The following EFNA5 variants were observed in gnomAD, a reference collection of about 807,000 sequenced individuals.
EFNA5 encodes the protein ephrin A5.
Under a neutral mutation model 22.9 loss-of-function variants are expected in EFNA5, and 5 were observed. The ratio of observed to expected loss-of-function variants is 0.22; its 90% CI spans 0.11 to 0.46. The LOEUF (loss-of-function observed/expected upper bound fraction) is 0.46. Among genes scored for constraint, EFNA5 ranks in the 20% least tolerant of loss-of-function variants. The pLI is 0.99. For synonymous variants in EFNA5, 113 were observed against 112.2 expected (o/e 1.01, Z -0.04); for missense variants, 237 against 293.3 (o/e 0.81, Z 1.40).
chr5:107,645,943 G>C (rs1041243326), intron 1 of EFNA5, among the ~76,000 whole-genome samples: 1 of 152,166 alleles, frequency 6.6e-6, no homozygotes, highest in African/African-American at 2.4e-5. Context: ...AAATACCTAA[G>C]AGGCTGAGAC....
intron 1 of EFNA5, among the ~76,000 whole-genome samples, chr5:107,484,769 G>A (rs1746547748): frequency 6.6e-6 from 1 of 151,810 alleles, no homozygotes. Context: ...GGAAGATGAG[G>A]AGCTGTTAAC....
At chr5:107,625,573 G>C (rs181011643) in intron 1 of EFNA5, among the ~76,000 whole-genome samples, 1 of 152,212 alleles carries the variant, frequency 6.6e-6, no homozygotes, top group African/African-American at 2.4e-5. Flanking sequence ...AGAATTACCA[G>C]ATTATTCCAA....
At chr5:107,534,237 TAG>T (rs1747883803) in intron 1 of EFNA5, among the ~76,000 whole-genome samples, 1 of 152,178 alleles carries the variant, frequency 6.6e-6, no homozygotes, top group Non-Finnish European at 1.5e-5. Context: ...TCACCGTAAA[TAG>T]AGTTTGAGGA....
rs771131134 is a variant in EFNA5, at chr5:107,670,609, A to C, written c.5T>G (p.Leu2Trp). The C allele has an allele frequency of 2.5e-6, 4 of 1,603,272 alleles. No homozygotes were observed. The highest frequency in any genetic ancestry group is 3.4e-6 in the Non-Finnish European group (4 of 1,175,432). Reference sequence around the variant, plus strand: ...CACCAGCGTCAACATCTCCACGTGCAACATCACGCCTGGCCAGCGGCGGAG... The same window carrying C: ...CACCAGCGTCAACATCTCCACGTGCCACATCACGCCTGGCCAGCGGCGGAG... Reference protein sequence around the residue: MLHVEMLTLVFL... With the variant: MWHVEMLTLVFL... Residue 2 changes from leucine to tryptophan, a missense_variant, in exon 1 of 5, where the codon TTG (leucine) becomes TGG (tryptophan). By Grantham distance (61) the Leu-to-Trp change is moderately conservative. Coordinates refer to ENST00000333274, the MANE Select transcript of EFNA5 (RefSeq NM_001962.3).
intron 1 of EFNA5, among the ~76,000 whole-genome samples, chr5:107,660,283 T>TATATATATATATATATATATAA (rs1750921829): frequency 1.5e-5 from 1 of 68,012 alleles, no homozygotes; most frequent in South Asian, 4.5e-4. Flanking sequence ...TATATATATA[T>TATATATATATATATATATATAA]ATATATATAT....
chr5:107,452,405 A>G (rs945932529), intron 1 of EFNA5, among the ~76,000 whole-genome samples: 2 of 152,146 alleles, frequency 1.3e-5, no homozygotes, highest in Non-Finnish European at 2.9e-5. Flanking sequence ...TTTTCACTTA[A>G]TAGTCAGCAC....
chr5:107,565,833 A>G (rs1354451083), intron 1 of EFNA5, among the ~76,000 whole-genome samples: 1 of 152,246 alleles, frequency 6.6e-6, no homozygotes, highest in Non-Finnish European at 1.5e-5. Flanking sequence ...GAGCTGAGTC[A>G]ATCTATTTTC....
At chr5:107,503,958 C>T (rs1271670358) in intron 1 of EFNA5, among the ~76,000 whole-genome samples, 1 of 152,114 alleles carries the variant, frequency 6.6e-6, no homozygotes, top group Non-Finnish European at 1.5e-5. Flanking sequence ...AATTAGCTAC[C>T]TTTAAACTAA....
At chr5:107,411,064 A>G (rs1308200018) in intron 2 of EFNA5, among the ~76,000 whole-genome samples, 1 of 152,234 alleles carries the variant, frequency 6.6e-6, no homozygotes, top group Non-Finnish European at 1.5e-5. Flanking sequence ...TGTTGACCAC[A>G]GCTAAACCTG....
At chr5:107,565,488 G>A (rs1748646661) in intron 1 of EFNA5, among the ~76,000 whole-genome samples, 2 of 152,072 alleles carry the variant, frequency 1.3e-5, no homozygotes, top group Non-Finnish European at 1.5e-5. Context: ...TATTTTTAAT[G>A]TTAGTCTGGG....
At chr5:107,586,765 G>A (rs1247087482) in intron 1 of EFNA5, among the ~76,000 whole-genome samples, 1 of 152,136 alleles carries the variant, frequency 6.6e-6, no homozygotes, top group Admixed American at 6.5e-5. Flanking sequence ...AGGAAACCAA[G>A]AACACTCCTT....
At chr5:107,604,983 C>G (rs1367798975) in intron 1 of EFNA5, among the ~76,000 whole-genome samples, 1 of 152,134 alleles carries the variant, frequency 6.6e-6, no homozygotes, top group East Asian at 1.9e-4. Context: ...ACCTGCACAC[C>G]AGCAGCCTAA....
chr5:107,630,537 C>G (rs1750228465), intron 1 of EFNA5, among the ~76,000 whole-genome samples: 1 of 151,256 alleles, frequency 6.6e-6, no homozygotes. Flanking sequence ...TAGAACATTA[C>G]CATGAATGGA....
intron 1 of EFNA5, among the ~76,000 whole-genome samples, chr5:107,559,439 T>G (rs1748490789): frequency 6.6e-6 from 1 of 152,196 alleles, no homozygotes; most frequent in Non-Finnish European, 1.5e-5. Context: ...GAATATTTAC[T>G]GACAGGATGA....
At chr5:107,584,194 CT>C (rs142880159) in intron 1 of EFNA5, among the ~76,000 whole-genome samples, 3,445 of 152,304 alleles carry the variant, frequency 0.023, 149 homozygotes, top group African/African-American at 0.079. Context: ...CAAAACAGAA[CT>C]TTGTCCTCAA....
At chr5:107,420,522 TA>T (rs368304882) in intron 2 of EFNA5, among the ~76,000 whole-genome samples, 30 of 109,082 alleles carry the variant, frequency 2.8e-4, no homozygotes, top group East Asian at 1.5e-3. Flanking sequence ...TCTGTGCTTT[TA>T]AAAAAAAAAA....
chr5:107,409,682 T>G (rs574471749), intron 2 of EFNA5, among the ~76,000 whole-genome samples: 4 of 152,332 alleles, frequency 2.6e-5, no homozygotes, highest in African/African-American at 7.2e-5. Flanking sequence ...TTGGGTGCAG[T>G]AACTAGTTAT....
intron 1 of EFNA5, among the ~76,000 whole-genome samples, chr5:107,582,832 G>A (rs1394225720): frequency 6.6e-6 from 1 of 150,702 alleles, no homozygotes; most frequent in African/African-American, 2.4e-5. Flanking sequence ...CCAGATTAAT[G>A]TCAATAATCC....
intron 2 of EFNA5, among the ~76,000 whole-genome samples, chr5:107,414,063 C>A (rs1002679037): frequency 6.6e-6 from 1 of 152,182 alleles, no homozygotes; most frequent in Non-Finnish European, 1.5e-5. Context: ...TCCATTCCTA[C>A]TTTAAGCCAA....
Sources: allele counts gnomAD v4.1 joint callset (sites outside exome capture counted in the v4.1 genomes callset), GRCh38; gene constraint gnomAD v4.1.1; transcripts MANE v1.5; gene names NCBI Gene and HGNC (gene_info 2026-07-23, HGNC 2026-07-21).